Variants in RALGAPA2 observed in about 807,000 individuals in gnomAD.
RALGAPA2 encodes the protein ral GTPase-activating protein subunit alpha-2.
A neutral mutation model predicts 230.4 loss-of-function variants in RALGAPA2; 139 were observed. The observed-to-expected ratio is 0.60, with a 90% confidence interval of 0.53 to 0.69. RALGAPA2 has a LOEUF of 0.69. Among genes scored for constraint, RALGAPA2 ranks in the 30% least tolerant of loss-of-function variants. The pLI, the probability that RALGAPA2 is intolerant of heterozygous loss-of-function variation, is 0.00. For missense variants in RALGAPA2, 2,163 were observed against 2,276.0 expected, an observed-to-expected ratio of 0.95 and a Z score of 1.01; for synonymous variants, 847 against 837.8, an observed-to-expected ratio of 1.01 and a Z score of -0.19.
intron 1 of RALGAPA2, among the ~76,000 whole-genome samples, chr20:20,698,938 A>T (rs983213823): frequency 1.3e-5 from 2 of 152,244 alleles, no homozygotes; most frequent in African/African-American, 4.8e-5. Flanking sequence ...TACTATCATC[A>T]GAGAAAAAAG....
At chr20:20,407,060 T>C (rs2059961286) in intron 38 of RALGAPA2, among the ~76,000 whole-genome samples, 1 of 152,160 alleles carries the variant, frequency 6.6e-6, no homozygotes, top group Non-Finnish European at 1.5e-5. Flanking sequence ...GAGGTGAAGA[T>C]TGAGTTGGCA....
intron 9 of RALGAPA2, among the ~76,000 whole-genome samples, chr20:20,632,879 T>C (rs913388208): frequency 9.2e-5 from 14 of 152,194 alleles, no homozygotes; most frequent in Admixed American, 9.2e-4. Flanking sequence ...TTAACTCTTT[T>C]AACAGTCACA....
chr20:20,594,866 C>T (rs2065403475), intron 16 of RALGAPA2, among the ~76,000 whole-genome samples: 1 of 151,718 alleles, frequency 6.6e-6, no homozygotes, highest in Admixed American at 6.6e-5. Context: ...GCAGCTGGGA[C>T]TACAGGCACA....
chr20:20,613,278 T>C (rs144716184), intron 13 of RALGAPA2, among the ~76,000 whole-genome samples: 149 of 152,366 alleles, frequency 9.8e-4, no homozygotes, highest in African/African-American at 3.4e-3. Context: ...GAATGAGGCA[T>C]GTGTGCCATC....
At chr20:20,470,398 A>G (rs1483823992) in intron 37 of RALGAPA2, among the ~76,000 whole-genome samples, 2 of 152,240 alleles carry the variant, frequency 1.3e-5, no homozygotes, top group Non-Finnish European at 2.9e-5. Flanking sequence ...ACAGAGAGAT[A>G]AGAAAAACTA....
chr20:20,705,161 T>C (rs1481203041), intron 1 of RALGAPA2, among the ~76,000 whole-genome samples: 1 of 152,234 alleles, frequency 6.6e-6, no homozygotes, highest in Non-Finnish European at 1.5e-5. Flanking sequence ...CAGACTTACT[T>C]ATATCAGGCA....
intron 1 of RALGAPA2, among the ~76,000 whole-genome samples, chr20:20,683,231 T>G (rs1057020635): frequency 6.6e-6 from 1 of 152,178 alleles, no homozygotes; most frequent in Admixed American, 6.5e-5. Context: ...TGTGTGGCCA[T>G]GAACCCTCAC....
Position 20,678,169 on chromosome 20 carries a change from C to G in RALGAPA2, c.218-1881G>C, listed in dbSNP as rs946138562. Among the ~76,000 whole-genome samples the G allele has an allele frequency of 2.6e-5, 4 of 152,152 alleles. No individual in the cohort carries two copies. In the South Asian group the frequency reaches 8.3e-4, roughly 32 times the overall value. On this transcript the variant is annotated intron_variant, in intron 2 of 39. Transcript: ENST00000202677. ...AACTCCGGAGTTTTGGCCTGAATAA[C>G]TGCAAAGGCTCAAGTTATCACAAGA...
At chr20:20,630,874 C>A (rs1603128118) in intron 9 of RALGAPA2, among the ~76,000 whole-genome samples, 1 of 152,044 alleles carries the variant, frequency 6.6e-6, no homozygotes, top group Non-Finnish European at 1.5e-5. Flanking sequence ...GGCTCAATAA[C>A]CTGTGACTTT....
rs184318407 is a variant in RALGAPA2 at position 20,660,896 on chromosome 20, T to C, written c.271-7309A>G. Among the ~76,000 whole-genome samples, 85 of 152,234 alleles carry C rather than the reference T, an allele frequency of 5.6e-4. 1 individual carries two copies. Among genetic ancestry groups the C allele is most frequent in the African/African-American group, 1.9e-3 (79 of 41,536 alleles). ...TGTTGAACAAAGGTTATTATGTACC[T>C]CCTGTGTGCTGTACAGTTGATCTTT... On this transcript the variant is annotated intron_variant, in intron 3 of 39. Transcript: ENST00000202677.
At chr20:20,487,929 A>AG (rs2061954822) in intron 36 of RALGAPA2, among the ~76,000 whole-genome samples, 1 of 151,390 alleles carries the variant, frequency 6.6e-6, no homozygotes, top group African/African-American at 2.4e-5. Context: ...AAAAAAAAAA[A>AG]GTTTTTCTTG....
At chr20:20,533,441 T>C (rs1020463173) in intron 26 of RALGAPA2, among the ~76,000 whole-genome samples, 1 of 152,138 alleles carries the variant, frequency 6.6e-6, no homozygotes, top group Non-Finnish European at 1.5e-5. Flanking sequence ...ATTCACTATA[T>C]AGGACAATTC....
At chr20:20,661,551 C>T (rs2067778610) in intron 3 of RALGAPA2, among the ~76,000 whole-genome samples, 1 of 152,136 alleles carries the variant, frequency 6.6e-6, no homozygotes, top group Non-Finnish European at 1.5e-5. Context: ...ATAGAAAGTG[C>T]ACCTTCCAAA....
intron 31 of RALGAPA2, among the ~76,000 whole-genome samples, chr20:20,517,100 A>G (rs1602619496): frequency 6.6e-6 from 1 of 152,244 alleles, no homozygotes; most frequent in East Asian, 1.9e-4. Context: ...TTCAGCATGA[A>G]TGTACCTACA....
intron 1 of RALGAPA2, among the ~76,000 whole-genome samples, chr20:20,688,050 A>C (rs972862860): frequency 3.9e-5 from 6 of 152,190 alleles, no homozygotes; most frequent in African/African-American, 1.4e-4. Context: ...AACCTACAAA[A>C]TAAGACTTTC....
At chr20:20,477,318 C>T (rs2061675428) in intron 36 of RALGAPA2, among the ~76,000 whole-genome samples, 1 of 152,142 alleles carries the variant, frequency 6.6e-6, no homozygotes, top group African/African-American at 2.4e-5. Context: ...CTCTACCCAA[C>T]AACTGCAGAA....
chr20:20,633,497 T>G (rs1274563145), intron 9 of RALGAPA2, among the ~76,000 whole-genome samples: 1 of 152,062 alleles, frequency 6.6e-6, no homozygotes, highest in African/African-American at 2.4e-5. Context: ...CTCTCCTGGA[T>G]TTTCCCTTCT....
intron 37 of RALGAPA2, among the ~76,000 whole-genome samples, chr20:20,467,591 A>T (rs2061447256): frequency 6.6e-6 from 1 of 151,802 alleles, no homozygotes; most frequent in African/African-American, 2.4e-5. Flanking sequence ...TGATTGATTG[A>T]TTGTATTCTT....
At chr20:20,531,077 C>CCT in intron 27 of RALGAPA2, among the ~76,000 whole-genome samples, 1 of 152,292 alleles carries the variant, frequency 6.6e-6, no homozygotes, top group East Asian at 1.9e-4. Context: ...ATCACTTATA[C>CCT]CTGTGTGGCC....
Sources: allele counts gnomAD v4.1 joint callset (sites outside exome capture counted in the v4.1 genomes callset), GRCh38; gene constraint gnomAD v4.1.1; transcripts MANE v1.5; gene names NCBI Gene and HGNC (gene_info 2026-07-23, HGNC 2026-07-21).